Variants in NSD3 observed in about 807,000 individuals in gnomAD.
NSD3 encodes nuclear receptor binding SET domain protein 3, also known as histone-lysine N-methyltransferase NSD3.
Under a neutral mutation model 160.8 loss-of-function variants are expected in NSD3, and 24 were observed. The observed-to-expected ratio is 0.15, with a 90% CI of 0.11 to 0.21. NSD3 has a LOEUF of 0.21. Ranked by LOEUF, NSD3 falls within the 10% of genes least tolerant of loss-of-function variation. The probability of loss-of-function intolerance (pLI) is 1.00; values close to 1 mark genes in which losing one functional copy is unlikely to be tolerated. For synonymous variants in NSD3, 520 were observed against 600.0 expected (o/e 0.87, Z 1.95); for missense variants, 1,157 against 1,735.9 (o/e 0.67, Z 5.93).
At position 38,337,187 on chromosome 8, in the gene NSD3, A is replaced by G. The variant is rs1810241862; in HGVS notation, c.910+118T>C. 5.4e-6 allele frequency: 5 copies of G among 922,460 alleles called. No individual in the cohort carries two copies. In the East Asian group the frequency reaches 1.6e-4, roughly 30 times the overall value. The allele number at this position is 922,460 out of a possible 1,614,324, so 57.1% of individuals were successfully genotyped here. On this transcript the variant is annotated intron_variant, in intron 4 of 23. Transcript: ENST00000317025. Reference sequence around the variant, plus strand: ...AAAAATCCACAAAACTGATACGGATATGCACATTTTTGTATCAGATTATAT... The same window carrying G: ...AAAAATCCACAAAACTGATACGGATGTGCACATTTTTGTATCAGATTATAT...
chr8:38,329,611 G>A lies in NSD3; in HGVS notation c.1348C>T (p.His450Tyr). 1 of 1,614,208 alleles carries A rather than the reference G, an allele frequency of 6.2e-7. No homozygotes were observed. Among genetic ancestry groups the A allele is most frequent in the Non-Finnish European group, 8.5e-7 (1 of 1,180,044 alleles). Residue 450 changes from histidine (H) to tyrosine (Y), a missense_variant, in exon 6 of 24, where the codon CAT becomes TAT. Physicochemically the swap from His to Tyr is moderately conservative, Grantham distance 83. Coordinates refer to ENST00000317025, the MANE Select transcript of NSD3 (RefSeq NM_023034.2). The surrounding 1 kb of genome is among the most constrained non-coding windows in gnomAD (Gnocchi z 4.8). ...SSLSSTEIRR[H>Y]SQRRHTSAEE... ...GCACTTGTGTGCCGCCTCTGGCTAT[G>A]TCTCCGAATTTCAGTACTTGAGAGT...
chr8:38,372,587 C>T (rs1811275983), intron 1 of NSD3, among the ~76,000 whole-genome samples: 1 of 150,778 alleles, frequency 6.6e-6, no homozygotes, highest in African/African-American at 2.4e-5. Context: ...ACCTCCGCCT[C>T]CCGGGTTCAA....
Position 38,276,410 on chromosome 8 carries a change from G to T in NSD3, c.3958C>A (p.His1320Asn), listed in dbSNP as rs1585847375. ...CCACATTGAAAACAGTAATCTTCATGCATCTGCTTTGGTTCTGTTTTGATC... is the reference window on the plus strand; with the variant it reads ...CCACATTGAAAACAGTAATCTTCATTCATCTGCTTTGGTTCTGTTTTGATC... ...RKIKTEPKQM[H>N]EDYCFQCGDG... Residue 1320 changes from histidine (H) to asparagine (N), a missense_variant, in exon 23 of 24, where the codon CAT becomes AAT. His to Asn is a moderately conservative substitution (Grantham distance 68). Transcript: ENST00000317025. 6.2e-7 allele frequency: 1 copy of T among 1,614,198 alleles called. No homozygotes were observed. Among genetic ancestry groups the T allele is most frequent in the Non-Finnish European group, 8.5e-7 (1 of 1,180,036 alleles).
intron 6 of NSD3, 111 bp from the exon 7 acceptor site, chr8:38,326,967 T>A (rs1192097221): frequency 2.0e-5 from 23 of 1,164,664 alleles, no homozygotes; most frequent in Admixed American, 5.8e-5. Context: ...AAATTTTATA[T>A]GGTCTTTGAT....
intron 14 of NSD3, 49 bp downstream of exon 14, chr8:38,304,538 A>G (rs1193311037): frequency 6.4e-7 from 1 of 1,566,622 alleles, no homozygotes. Context: ...TAATGGAGAA[A>G]TATGCCAATG....
rs1809669410 is a variant in NSD3, at chr8:38,316,549, G to GC, written c.1856-508dup. The GC allele has an allele frequency of 2.9e-6, 3 of 1,048,606 alleles. No individual in the cohort carries two copies. Among genetic ancestry groups the GC allele is most frequent in the South Asian group, 4.6e-5 (1 of 21,890 alleles). The allele number at this position is 1,048,606 out of a possible 1,614,324, so 65.0% of individuals were successfully genotyped here. The stretch of plus-strand genomic sequence containing the variant: ...AAATTTTGCAATTCAGTTGATTATT[G>GC]CCCCCCAATAAAATTTGGATGTTCA... On this transcript the variant is annotated intron_variant, in intron 9 of 23. Coordinates refer to ENST00000317025, the MANE Select transcript of NSD3 (RefSeq NM_023034.2). The surrounding 1 kb of genome is among the most constrained non-coding windows in gnomAD (Gnocchi z 4.5).
chr8:38,351,055 G>A (rs913082752), intron 1 of NSD3, among the ~76,000 whole-genome samples: 9 of 149,388 alleles, frequency 6.0e-5, no homozygotes, highest in East Asian at 2.0e-4. Context: ...CACTGCAAGC[G>A]CCGCCTCCCA....
chr8:38,294,670 T>A (rs1163880419), intron 16 of NSD3, among the ~76,000 whole-genome samples: 1 of 152,056 alleles, frequency 6.6e-6, no homozygotes, highest in African/African-American at 2.4e-5. Context: ...TATATCTAAT[T>A]AAGACACAAA....
chr8:38,307,407 G>A (rs1006152574), intron 12 of NSD3, among the ~76,000 whole-genome samples: 16 of 151,968 alleles, frequency 1.1e-4, no homozygotes, highest in African/African-American at 3.9e-4. Context: ...AAGGCAACTG[G>A]GCAATATCCA....
intron 2 of NSD3, among the ~76,000 whole-genome samples, chr8:38,339,622 A>T (rs1364702495): frequency 6.6e-6 from 1 of 151,602 alleles, no homozygotes; most frequent in East Asian, 1.9e-4. Context: ...GCTACTCAGG[A>T]GGCTGGGGCA....
At chr8:38,340,481 G>A (rs889794201) in intron 2 of NSD3, among the ~76,000 whole-genome samples, 1 of 152,072 alleles carries the variant, frequency 6.6e-6, no homozygotes, top group Non-Finnish European at 1.5e-5. Flanking sequence ...GGGAATACAG[G>A]CCCGCACCAC....
At position 38,304,547 on chromosome 8, in the gene NSD3, T is replaced by C. The variant is rs751837400; in HGVS notation, c.2611+40A>G. The C allele has an allele frequency of 3.1e-5, 49 of 1,580,506 alleles. No individual in the cohort carries two copies. In the Middle Eastern group the frequency reaches 5.7e-4, roughly 18 times the overall value. Reference sequence around the variant, plus strand: ...CTATGTTAATGGAGAAATATGCCAATGACCTCAAAAATAAATGAAGAGAAA... The same window carrying C: ...CTATGTTAATGGAGAAATATGCCAACGACCTCAAAAATAAATGAAGAGAAA... On this transcript the variant is annotated intron_variant, in intron 14 of 23. Coordinates refer to ENST00000317025, the MANE Select transcript of NSD3 (RefSeq NM_023034.2).
intron 1 of NSD3, among the ~76,000 whole-genome samples, chr8:38,369,517 T>C (rs1263634354): frequency 1.3e-5 from 2 of 152,268 alleles, no homozygotes; most frequent in Non-Finnish European, 2.9e-5. Context: ...TCAGTTCTTC[T>C]TCCATTAAAC....
intron 16 of NSD3, among the ~76,000 whole-genome samples, chr8:38,292,922 A>C (rs1337797589): frequency 1.3e-5 from 2 of 151,850 alleles, no homozygotes; most frequent in Non-Finnish European, 2.9e-5. Context: ...CAGTGAGCCA[A>C]GATCGCGCCA....
intron 22 of NSD3, chr8:38,276,716 GCT>G: frequency 3.6e-6 from 2 of 558,964 alleles, no homozygotes; most frequent in Admixed American, 6.3e-5. Context: ...TGGAGTTCTC[GCT>G]CTGTTGTCCA....
rs1809700168 is a variant in NSD3 at position 38,317,605 on chromosome 8, T to C, written c.1855+1290A>G. The C allele has an allele frequency of 4.4e-6, 5 of 1,126,716 alleles. No homozygotes were observed. The highest frequency in any genetic ancestry group is 5.5e-6 in the Non-Finnish European group (5 of 916,838). The allele number at this position is 1,126,716 out of a possible 1,614,324, so 69.8% of individuals were successfully genotyped here. A position where few individuals can be genotyped will look rare whatever the true frequency, so the allele number is the denominator to read the frequency against. The stretch of plus-strand genomic sequence containing the variant: ...TTTAATGATTGTAATGTATACAGTT[T>C]GGGCTGTTTGGCAAACCCCTGCAGA... On this transcript the variant is annotated intron_variant, in intron 9 of 23. Transcript: ENST00000317025. The surrounding 1 kb of genome is among the most constrained non-coding windows in gnomAD (Gnocchi z 5.3).
Position 38,319,799 on chromosome 8 carries a change from AACAT to A in NSD3, c.1810-863_1810-860del, listed in dbSNP as rs1196672738. ...TTATTTTTTTTACAACAGGTAAAAA[AACAT>A]ACAACAGAAACGCTTTTATAAGATA... On this transcript the variant is annotated intron_variant, in intron 8 of 23. Coordinates refer to ENST00000317025, the MANE Select transcript of NSD3 (RefSeq NM_023034.2). This position sits in a 1 kb window ranked among gnomAD's most constrained non-coding sequence, Gnocchi z 4.1. The A allele has an allele frequency of 6.6e-6, 1 of 152,244 alleles. No individual in the cohort carries two copies. The highest frequency in any genetic ancestry group is 6.5e-5 in the Admixed American group (1 of 15,286). 9.4% of individuals were successfully genotyped at this position (152,244 alleles called of 1,614,324 possible). A position where few individuals can be genotyped will look rare whatever the true frequency, so the allele number is the denominator to read the frequency against.
At position 38,348,098 on chromosome 8, in the gene NSD3, G is replaced by T; in HGVS notation, c.74C>A (p.Ser25Tyr). The T allele has an allele frequency of 6.2e-7, 1 of 1,613,876 alleles. No individual in the cohort carries two copies. Among genetic ancestry groups the T allele is most frequent in the Non-Finnish European group, 8.5e-7 (1 of 1,179,880 alleles). The change falls in exon 2 of 24, where the codon TCC becomes TAC. Residue 25 changes from serine (S) to tyrosine (Y), a missense_variant. Transcript: ENST00000317025. ...TIQQPPQLID[S>Y]ANIRQEDAFD... ...GGCATCCTCCTGACGGATGTTGGCG[G>T]AGTCAATGAGTTGAGGTGGTTGCTG...
At chr8:38,346,161 T>TATGTATGTATATATGTATATATAC (rs1810518139) in intron 2 of NSD3, among the ~76,000 whole-genome samples, 2 of 150,518 alleles carry the variant, frequency 1.3e-5, no homozygotes, top group Non-Finnish European at 3.0e-5. Context: ...TATGTATGCA[T>TATGTATGTATATATGTATATATAC]ATGTATGTAT....
Sources: gnomAD v4.1 joint callset for allele counts (sites outside exome capture counted in the v4.1 genomes callset) on GRCh38, gnomAD v4.1.1 for gene constraint, Gnocchi (gnomAD v3.1) non-coding constraint, MANE v1.5 for transcripts, NCBI Gene and HGNC (gene_info 2026-07-23, HGNC 2026-07-21) for gene names.